TEX9: variants seen among roughly 807,000 people sequenced by gnomAD.
TEX9 encodes the protein testis-expressed protein 9.
TEX9 carries 74 observed loss-of-function variants against 59.6 expected under a neutral mutation model. That is an observed-to-expected ratio of 1.24 (90% CI 1.03 to 1.51). The LOEUF (loss-of-function observed/expected upper bound fraction) is 1.51. Ranked by LOEUF, TEX9 falls within the 40% of genes most tolerant of loss-of-function variation. The pLI is 0.00. For missense variants in TEX9, 522 were observed against 447.8 expected (o/e 1.17, Z -1.49); for synonymous variants, 186 against 152.2 (o/e 1.22, Z -1.64).
At chr15:56,437,135 C>G (rs957239077) in intron 12 of TEX9, among the ~76,000 whole-genome samples, 2 of 150,880 alleles carry the variant, frequency 1.3e-5, no homozygotes, top group Admixed American at 6.6e-5. Context: ...CTTTGGTCGT[C>G]TGTCATCCTG....
rs186464049 is a variant in TEX9 at position 56,382,189 on chromosome 15, A to G, written c.184-1763A>G. Reference sequence around the variant, plus strand: ...GCCAGGCCACTGCTAGTGTTCACTTAAAGCCCAAGGGCTTTTCAGTCAGGT... The same window carrying G: ...GCCAGGCCACTGCTAGTGTTCACTTGAAGCCCAAGGGCTTTTCAGTCAGGT... On this transcript the variant is annotated intron_variant, in intron 3 of 12. Transcript: ENST00000352903. 1.8e-3 allele frequency among the ~76,000 whole-genome samples: 279 copies of G among 152,248 alleles called. 2 individuals are homozygous for G. Among genetic ancestry groups the G allele is most frequent in the Non-Finnish European group, 3.2e-3 (221 of 68,016 alleles).
At chr15:56,407,351 G>A (rs2049129189) in intron 9 of TEX9, among the ~76,000 whole-genome samples, 1 of 151,978 alleles carries the variant, frequency 6.6e-6, no homozygotes, top group African/African-American at 2.4e-5. Context: ...TCTTTTGGAA[G>A]GATTTCAATG....
At chr15:56,368,446 C>G (rs548247601) in intron 2 of TEX9, among the ~76,000 whole-genome samples, 1 of 151,954 alleles carries the variant, frequency 6.6e-6, no homozygotes, top group African/African-American at 2.4e-5. Context: ...TGAAAGAAGC[C>G]GAATAGTTTT....
chr15:56,255,412 A>G (rs1596044931), intron 1 of TEX9, among the ~76,000 whole-genome samples: 1 of 152,224 alleles, frequency 6.6e-6, no homozygotes, highest in South Asian at 2.1e-4. Context: ...GGAACACCAG[A>G]TGGCAGAAAA....
chr15:56,259,137 G>A (rs369340725), intron 1 of TEX9, among the ~76,000 whole-genome samples: 14 of 151,772 alleles, frequency 9.2e-5, no homozygotes, highest in Admixed American at 2.6e-4. Flanking sequence ...GAAATATTCC[G>A]TTATCTTCTA....
chr15:56,322,521 A>G (rs2045925187), intron 1 of TEX9, among the ~76,000 whole-genome samples: 1 of 152,172 alleles, frequency 6.6e-6, no homozygotes, highest in Non-Finnish European at 1.5e-5. Flanking sequence ...TTGAAATGAT[A>G]TACTTAATAT....
intron 9 of TEX9, among the ~76,000 whole-genome samples, chr15:56,402,979 A>G (rs2048873866): frequency 1.3e-5 from 2 of 152,224 alleles, no homozygotes; most frequent in South Asian, 2.1e-4. Flanking sequence ...TTGATGGAAC[A>G]TATCTCAAAA....
chr15:56,443,787 G>C, intron 12 of TEX9: 1 of 1,612,610 alleles, frequency 6.2e-7, no homozygotes, highest in Non-Finnish European at 8.5e-7. Context: ...CAGAGAGCCT[G>C]CTCTTTCTGA....
intron 9 of TEX9, among the ~76,000 whole-genome samples, chr15:56,410,339 C>G (rs886786775): frequency 2.0e-5 from 3 of 152,092 alleles, no homozygotes; most frequent in African/African-American, 2.4e-5. Flanking sequence ...ATGCATGCCC[C>G]TCTCTTTTCT....
At chr15:56,374,020 T>C (rs997250008) in intron 3 of TEX9, 1 of 152,012 alleles carries the variant, frequency 6.6e-6, no homozygotes, top group Non-Finnish European at 1.5e-5. Context: ...ATTTTGATAA[T>C]GGTTACAGAT....
At chr15:56,433,783 TTCTC>T (rs1195361767) in intron 12 of TEX9, among the ~76,000 whole-genome samples, 2 of 152,180 alleles carry the variant, frequency 1.3e-5, no homozygotes. Context: ...CATGATCTGT[TTCTC>T]TCTCTGCCAT....
chr15:56,427,830 A>G (rs1336634181), intron 11 of TEX9, 91 bp downstream of exon 11: 18 of 983,498 alleles, frequency 1.8e-5, no homozygotes, highest in South Asian at 4.4e-5. Flanking sequence ...TGTTTTTGAC[A>G]TCTTTACGCA....
At chr15:56,314,501 T>C (rs1236315904) in intron 1 of TEX9, among the ~76,000 whole-genome samples, 1 of 142,130 alleles carries the variant, frequency 7.0e-6, no homozygotes, top group African/African-American at 2.6e-5. Flanking sequence ...TTGATTGCAC[T>C]GTGGTCTGAG....
chr15:56,348,672 T>C (rs1231024777), intron 1 of TEX9, among the ~76,000 whole-genome samples: 3 of 152,112 alleles, frequency 2.0e-5, no homozygotes, highest in Admixed American at 2.0e-4. Flanking sequence ...CAAGATTTTC[T>C]CATCTTTTGT....
chr15:56,301,684 A>G (rs1207432259), intron 1 of TEX9, among the ~76,000 whole-genome samples: 1 of 152,076 alleles, frequency 6.6e-6, no homozygotes, highest in Non-Finnish European at 1.5e-5. Flanking sequence ...ACCCTAGAAT[A>G]CTATATCCAG....
At chr15:56,342,876 C>A (rs868484730) in intron 1 of TEX9, among the ~76,000 whole-genome samples, 15 of 152,116 alleles carry the variant, frequency 9.9e-5, no homozygotes, top group Non-Finnish European at 1.3e-4. Flanking sequence ...TCCCATGTTA[C>A]CTAAGTCCAA....
At chr15:56,284,273 A>G (rs2044890149) in intron 1 of TEX9, among the ~76,000 whole-genome samples, 2 of 152,190 alleles carry the variant, frequency 1.3e-5, no homozygotes, top group Non-Finnish European at 2.9e-5. Flanking sequence ...CTAGGATTAC[A>G]GGCGTGAGCC....
At chr15:56,253,297 C>A (rs1484576908) in intron 1 of TEX9, among the ~76,000 whole-genome samples, 4 of 152,052 alleles carry the variant, frequency 2.6e-5, no homozygotes, top group Non-Finnish European at 4.4e-5. Context: ...AGCAAAAAAA[C>A]CCCAAAAATC....
chr15:56,349,921 T>C (rs2046544756), intron 1 of TEX9, among the ~76,000 whole-genome samples: 2 of 152,118 alleles, frequency 1.3e-5, no homozygotes, highest in Admixed American at 6.6e-5. Context: ...CTTTTTAACC[T>C]AAAGAACATC....
Sources: allele counts gnomAD v4.1 joint callset (sites outside exome capture counted in the v4.1 genomes callset), GRCh38; gene constraint gnomAD v4.1.1; transcripts MANE v1.5; gene names NCBI Gene and HGNC (gene_info 2026-07-23, HGNC 2026-07-21).